Variants in ALKBH8 observed in about 807,000 individuals in gnomAD.
ALKBH8 encodes tRNA (carboxymethyluridine(34)-5-O)-methyltransferase ALKBH8.
A neutral mutation model predicts 59.8 loss-of-function variants in ALKBH8; 36 were observed. That is an observed-to-expected ratio of 0.60 (90% confidence interval 0.46 to 0.79). The LOEUF (loss-of-function observed/expected upper bound fraction) is 0.79. Among genes scored for constraint, ALKBH8 ranks in the 30% least tolerant of loss-of-function variants. The pLI, the probability that ALKBH8 is intolerant of heterozygous loss-of-function variation, is 0.00. For synonymous variants in ALKBH8, 276 were observed against 273.6 expected, an observed-to-expected ratio of 1.01 and a Z score of -0.09; for missense variants, 768 against 801.0, an observed-to-expected ratio of 0.96 and a Z score of 0.50.
chr11:107,505,906 A>T (rs1453671724), intron 11 of ALKBH8, among the ~76,000 whole-genome samples: 1 of 152,224 alleles, frequency 6.6e-6, no homozygotes, highest in Non-Finnish European at 1.5e-5. Flanking sequence ...CAGCTGAGGG[A>T]CAGAGTCACA....
chr11:107,517,976 C>T (rs920386014), intron 10 of ALKBH8, among the ~76,000 whole-genome samples: 1 of 151,998 alleles, frequency 6.6e-6, no homozygotes, highest in African/African-American at 2.4e-5. Context: ...TTTTGTCAAT[C>T]CACAATGTAT....
At chr11:107,560,930 A>G in intron 1 of ALKBH8, 31 bp from the exon 2 acceptor site, 1 of 1,579,508 alleles carries the variant, frequency 6.3e-7, no homozygotes, top group Non-Finnish European at 8.6e-7. Context: ...AAAAAAGTCA[A>G]CCTTAAGAGT....
chr11:107,562,044 C>T (rs1864957032), intron 1 of ALKBH8, among the ~76,000 whole-genome samples: 1 of 152,054 alleles, frequency 6.6e-6, no homozygotes, highest in Non-Finnish European at 1.5e-5. Flanking sequence ...GTGACTCACA[C>T]CTGTAATCTT....
intron 4 of ALKBH8, 80 bp from the exon 5 acceptor site, chr11:107,553,283 A>G: frequency 2.2e-6 from 2 of 922,766 alleles, no homozygotes; most frequent in Non-Finnish European, 3.2e-6. Flanking sequence ...CTTTTTGAGT[A>G]AGGATTAGTT....
rs1350619707 is a variant in ALKBH8 at position 107,522,370 on chromosome 11, T to C, written c.1216A>G (p.Ser406Gly). Reference sequence around the variant, plus strand: ...CCAATATCAGCCACTATTGAACCACTTGGCAAAGCCTTCAAAAACTCCACA... The same window carrying C: ...CCAATATCAGCCACTATTGAACCACCTGGCAAAGCCTTCAAAAACTCCACA... The part of the protein sequence containing the change: ...HIVEFLKALP[S>G]GSIVADIGCG... The change falls in exon 10 of 12, where the codon AGT becomes GGT. Residue 406 changes from serine to glycine, a missense_variant. By Grantham distance (56) the Ser-to-Gly change is moderately conservative (BLOSUM62 0). Coordinates refer to ENST00000428149, the MANE Select transcript of ALKBH8 (RefSeq NM_138775.3). 12 of 1,551,684 alleles carry C rather than the reference T, an allele frequency of 7.7e-6. 1 individual carries two copies. The Admixed American group carries it at 1.6e-4, about 20-fold the overall frequency.
rs1443867793 is a variant in ALKBH8 at position 107,503,109 on chromosome 11, A to AT, written c.*1548dup. ...GTATTTTTCATCTTCATAGAAAATC[A>AT]TCTATTTCATTTGGATGTTAAAATT... On this transcript the variant is annotated 3_prime_UTR_variant, in exon 12 of 12. Coordinates refer to ENST00000428149, the MANE Select transcript of ALKBH8 (RefSeq NM_138775.3). 1.7e-4 allele frequency: 26 copies of AT among 152,308 alleles called. No homozygotes were observed. The East Asian group carries it at 3.7e-3, about 21-fold the overall frequency. The allele number at this position is 152,308 out of a possible 1,614,324, so 9.4% of individuals were successfully genotyped here.
chr11:107,563,541 TATTA>T (rs1029150940), intron 1 of ALKBH8: 5 of 152,054 alleles, frequency 3.3e-5, no homozygotes, highest in Non-Finnish European at 4.4e-5. Flanking sequence ...ATTATTTATT[TATTA>T]CTGTTGATTT....
chr11:107,546,192 T>C (rs1035587339), intron 7 of ALKBH8, among the ~76,000 whole-genome samples: 4 of 152,218 alleles, frequency 2.6e-5, no homozygotes, highest in African/African-American at 9.6e-5. Context: ...TCTTCCTTAT[T>C]TATAATAGAA....
At chr11:107,510,594 A>G (rs1182754895) in intron 11 of ALKBH8, among the ~76,000 whole-genome samples, 2 of 152,062 alleles carry the variant, frequency 1.3e-5, no homozygotes, top group East Asian at 3.9e-4. Context: ...AAATTCTGTG[A>G]CTCTGGGTTT....
chr11:107,520,060 T>C (rs1863042658), intron 10 of ALKBH8, among the ~76,000 whole-genome samples: 2 of 152,200 alleles, frequency 1.3e-5, no homozygotes, highest in Non-Finnish European at 2.9e-5. Context: ...GGTAATTTTA[T>C]CCTGCGGTAA....
At chr11:107,513,435 T>A (rs1179565283) in intron 10 of ALKBH8, among the ~76,000 whole-genome samples, 2 of 152,192 alleles carry the variant, frequency 1.3e-5, no homozygotes, top group Admixed American at 1.3e-4. Context: ...AGAATTCTTA[T>A]ACACTGCTAG....
chr11:107,532,519 A>C, intron 7 of ALKBH8, 113 bp from the exon 8 acceptor site: 1 of 795,056 alleles, frequency 1.3e-6, no homozygotes, highest in Non-Finnish European at 2.1e-6. Context: ...TTAAAACATA[A>C]TAATGCTTGC....
chr11:107,533,676 T>TA (rs1863690827), intron 7 of ALKBH8, among the ~76,000 whole-genome samples: 2 of 152,120 alleles, frequency 1.3e-5, no homozygotes, highest in African/African-American at 4.8e-5. Context: ...GCAACCTTCT[T>TA]AAAATGTATA....
intron 7 of ALKBH8, among the ~76,000 whole-genome samples, chr11:107,542,979 C>A (rs1056343512): frequency 6.6e-6 from 1 of 152,108 alleles, no homozygotes; most frequent in East Asian, 1.9e-4. Flanking sequence ...GAGCAGGAAA[C>A]CCAGAAAGAG....
chr11:107,514,983 T>G (rs774748358), intron 10 of ALKBH8, among the ~76,000 whole-genome samples: 1 of 152,158 alleles, frequency 6.6e-6, no homozygotes. Flanking sequence ...TACACAGCAC[T>G]CCTTTTCACC....
chr11:107,536,280 T>C (rs1467569203), intron 7 of ALKBH8, among the ~76,000 whole-genome samples: 2 of 152,232 alleles, frequency 1.3e-5, no homozygotes, highest in Non-Finnish European at 2.9e-5. Flanking sequence ...CAATCATTCA[T>C]TGCATAATTA....
chr11:107,556,803 T>C lies in ALKBH8; in HGVS notation c.330A>G (p.Gly110=). 1 of 1,455,142 alleles carries C rather than the reference T, an allele frequency of 6.9e-7. No homozygotes were observed. Among genetic ancestry groups the C allele is most frequent in the Non-Finnish European group, 9.1e-7 (1 of 1,096,658 alleles). 90.1% of individuals were successfully genotyped at this position (1,455,142 alleles called of 1,614,324 possible). A position where few individuals can be genotyped will look rare whatever the true frequency, so the allele number is the denominator to read the frequency against. The change falls in exon 3 of 12, where the codon GGA becomes GGG. Residue 110 remains glycine (G), a synonymous_variant. Coordinates refer to ENST00000428149, the MANE Select transcript of ALKBH8 (RefSeq NM_138775.3). ...AATTCAAATACAGAGTGATCTTTTGTCCTAAATCATCCACTACTTCTTTTC... is the reference window on the plus strand; with the variant it reads ...AATTCAAATACAGAGTGATCTTTTGCCCTAAATCATCCACTACTTCTTTTC... ...LNGKEVVDDL[G]QKITLYLNFV... is the part of the protein sequence containing the mutation.
At chr11:107,525,780 C>A (rs1863328262) in intron 8 of ALKBH8, among the ~76,000 whole-genome samples, 188 bp from the exon 9 acceptor site, 1 of 151,056 alleles carries the variant, frequency 6.6e-6, no homozygotes, top group African/African-American at 2.4e-5. Context: ...ATCTTCATGA[C>A]AATAATATTA....
rs1032944293 is a variant in ALKBH8 at position 107,503,643 on chromosome 11, G to T, written c.*1015C>A. On this transcript the variant is annotated 3_prime_UTR_variant, in exon 12 of 12. Transcript: ENST00000428149. The stretch of plus-strand genomic sequence containing the variant: ...TACAGATCTTAAAAATAACCCGATT[G>T]AACCTGGATTGGGACAAACTATGAA... The T allele has an allele frequency of 3.9e-5, 6 of 152,052 alleles. No individual in the cohort carries two copies. Among genetic ancestry groups the T allele is most frequent in the African/African-American group, 1.5e-4 (6 of 41,376 alleles). The allele number at this position is 152,052 out of a possible 1,614,324, so 9.4% of individuals were successfully genotyped here.
Sources: gnomAD v4.1 joint callset for allele counts (sites outside exome capture counted in the v4.1 genomes callset) on GRCh38, gnomAD v4.1.1 for gene constraint, MANE v1.5 for transcripts, NCBI Gene and HGNC (gene_info 2026-07-23, HGNC 2026-07-21) for gene names.